The following ARHGAP15 variants were observed in gnomAD, a reference collection of about 807,000 sequenced individuals.
ARHGAP15 encodes the protein Rho GTPase activating protein 15, also known as rho GTPase-activating protein 15.
ARHGAP15 carries 51 observed loss-of-function variants against 63.7 expected under a neutral mutation model. The observed-to-expected ratio is 0.80, with a 90% CI of 0.64 to 1.01. ARHGAP15 has a LOEUF of 1.01. Ranked by LOEUF, ARHGAP15 falls within the 50% of genes least tolerant of loss-of-function variation. ARHGAP15 has a pLI of 0.00. For synonymous variants in ARHGAP15, 191 were observed against 193.8 expected (o/e 0.99, Z 0.12); for missense variants, 560 against 564.6 (o/e 0.99, Z 0.08).
At chr2:143,640,344 T>C (rs979411805) in intron 12 of ARHGAP15, among the ~76,000 whole-genome samples, 1 of 152,062 alleles carries the variant, frequency 6.6e-6, no homozygotes, top group Non-Finnish European at 1.5e-5. Flanking sequence ...AAACAATGCT[T>C]AATTCAATCC....
chr2:143,499,724 A>G (rs1004038544), intron 9 of ARHGAP15, among the ~76,000 whole-genome samples: 2 of 152,134 alleles, frequency 1.3e-5, no homozygotes, highest in African/African-American at 4.8e-5. Context: ...AACTGTCATA[A>G]TAGAAGGGTT....
chr2:143,648,169 T>C (rs1403211264), intron 12 of ARHGAP15, among the ~76,000 whole-genome samples: 1 of 152,088 alleles, frequency 6.6e-6, no homozygotes, highest in African/African-American at 2.4e-5. Context: ...TCTGCCCTAA[T>C]GCTTAGCTGG....
At chr2:143,377,843 C>A (rs769878222) in intron 6 of ARHGAP15, among the ~76,000 whole-genome samples, 2 of 152,010 alleles carry the variant, frequency 1.3e-5, no homozygotes, top group African/African-American at 4.8e-5. Flanking sequence ...AAAGCGAATT[C>A]TTTGAATGAT....
intron 12 of ARHGAP15, among the ~76,000 whole-genome samples, chr2:143,627,042 T>C (rs1054238751): frequency 2.0e-5 from 3 of 152,158 alleles, no homozygotes; most frequent in Non-Finnish European, 4.4e-5. Flanking sequence ...ATGGCACAAC[T>C]AGAAGTTGCC....
Position 143,768,298 on chromosome 2 carries a change from T to G in ARHGAP15, c.*126T>G, listed in dbSNP as rs2072985950. On this transcript the variant is annotated 3_prime_UTR_variant, in exon 14 of 14. Coordinates refer to ENST00000295095, the MANE Select transcript of ARHGAP15 (RefSeq NM_018460.4). ...GACAGATGCCTCATTTTGTGAAAAC[T>G]TAATGATGATTTTGTGTTTAAGTTC... 1 of 877,938 alleles carries G rather than the reference T, an allele frequency of 1.1e-6. No homozygotes were observed. Among genetic ancestry groups the G allele is most frequent in the Non-Finnish European group, 1.7e-6 (1 of 582,020 alleles). 54.4% of individuals were successfully genotyped at this position (877,938 alleles called of 1,614,324 possible). A position where few individuals can be genotyped will look rare whatever the true frequency, so the allele number is the denominator to read the frequency against.
chr2:143,174,950 T>C (rs935840098), intron 2 of ARHGAP15, among the ~76,000 whole-genome samples: 2 of 152,192 alleles, frequency 1.3e-5, no homozygotes, highest in East Asian at 1.9e-4. Flanking sequence ...ATCAACGTTA[T>C]TCACTCCACT....
chr2:143,343,867 A>T (rs1345211795), intron 6 of ARHGAP15, among the ~76,000 whole-genome samples: 1 of 152,060 alleles, frequency 6.6e-6, no homozygotes, highest in Non-Finnish European at 1.5e-5. Flanking sequence ...AAAATCTTTA[A>T]CTGTCTTAAA....
At position 143,250,665 on chromosome 2, in the gene ARHGAP15, T is replaced by G; in HGVS notation, c.474+65T>G. The G allele has an allele frequency of 5.2e-6, 7 of 1,353,866 alleles. No individual in the cohort carries two copies. The South Asian group carries it at 8.6e-5, about 17-fold the overall frequency. The allele number at this position is 1,353,866 out of a possible 1,614,324, so 83.9% of individuals were successfully genotyped here. A position where few individuals can be genotyped will look rare whatever the true frequency, so the allele number is the denominator to read the frequency against. ...CTAAATCTGAGCTCTCTTGGGTAAC[T>G]AAAATAAGACTACCTTCTTGTGATG... On this transcript the variant is annotated intron_variant, in intron 6 of 13. Transcript: ENST00000295095.
chr2:143,516,867 T>C (rs1693842918), intron 9 of ARHGAP15, among the ~76,000 whole-genome samples: 3 of 152,252 alleles, frequency 2.0e-5, no homozygotes, highest in Admixed American at 2.0e-4. Flanking sequence ...TTCTCTATAC[T>C]ATGTCCATGT....
Position 143,617,782 on chromosome 2 carries a change from G to A in ARHGAP15, c.1004-6351G>A, listed in dbSNP as rs192677425. Among the ~76,000 whole-genome samples the A allele has an allele frequency of 2.6e-5, 4 of 152,212 alleles. No homozygotes were observed. In the East Asian group the frequency reaches 7.7e-4, roughly 29 times the overall value. ...CAAGGACAAAATAATATGATTCTAG[G>A]GAAGAGTAACAGGATGTAAAATGTC... On this transcript the variant is annotated intron_variant, in intron 11 of 13. Coordinates refer to ENST00000295095, the MANE Select transcript of ARHGAP15 (RefSeq NM_018460.4).
chr2:143,630,262 G>C (rs1381239917), intron 12 of ARHGAP15, among the ~76,000 whole-genome samples: 1 of 151,930 alleles, frequency 6.6e-6, no homozygotes, highest in Non-Finnish European at 1.5e-5. Context: ...TTTTAACCCT[G>C]CACTCTGATT....
intron 2 of ARHGAP15, among the ~76,000 whole-genome samples, chr2:143,194,960 A>G (rs184353058): frequency 6.6e-6 from 1 of 152,266 alleles, no homozygotes; most frequent in East Asian, 1.9e-4. Context: ...ATATAGGAAA[A>G]TGTGGTTGAA....
At chr2:143,309,170 C>G (rs967797051) in intron 6 of ARHGAP15, among the ~76,000 whole-genome samples, 6 of 152,036 alleles carry the variant, frequency 3.9e-5, no homozygotes, top group Admixed American at 2.6e-4. Flanking sequence ...CTTGTGGAAT[C>G]AACCTTTTCC....
intron 12 of ARHGAP15, among the ~76,000 whole-genome samples, chr2:143,636,475 C>T (rs1001424542): frequency 6.6e-6 from 1 of 152,138 alleles, no homozygotes; most frequent in Non-Finnish European, 1.5e-5. Context: ...TTCAGAAGCT[C>T]CTGTCTGTAA....
chr2:143,643,021 C>T (rs1442684327), intron 12 of ARHGAP15, among the ~76,000 whole-genome samples: 1 of 150,892 alleles, frequency 6.6e-6, no homozygotes, highest in Non-Finnish European at 1.5e-5. Flanking sequence ...AGAAAAGGGA[C>T]TCAGTAAATT....
At position 143,272,994 on chromosome 2, in the gene ARHGAP15, A is replaced by G. The variant is rs529698082; in HGVS notation, c.474+22394A>G. Among the ~76,000 whole-genome samples, 3 of 152,166 alleles carry G rather than the reference A, an allele frequency of 2.0e-5. No individual in the cohort carries two copies. In the South Asian group the frequency reaches 6.2e-4, roughly 32 times the overall value. On this transcript the variant is annotated intron_variant, in intron 6 of 13. Coordinates refer to ENST00000295095, the MANE Select transcript of ARHGAP15 (RefSeq NM_018460.4). ...AAAAGTACTGATGTCAATATAGACT[A>G]TTTTTATTTTATGTTTTCAAGTACT... is the stretch of plus-strand genomic sequence containing the variant.
intron 6 of ARHGAP15, among the ~76,000 whole-genome samples, chr2:143,394,421 A>G (rs930615028): frequency 4.6e-5 from 7 of 152,208 alleles, no homozygotes; most frequent in African/African-American, 1.7e-4. Context: ...CCATGGCAAG[A>G]ATAATTGTTA....
At chr2:143,705,829 C>G (rs984063807) in intron 13 of ARHGAP15, among the ~76,000 whole-genome samples, 2 of 152,126 alleles carry the variant, frequency 1.3e-5, no homozygotes, top group Non-Finnish European at 2.9e-5. Context: ...GAGAATCTAT[C>G]TAGTTAAAAA....
chr2:143,158,207 T>C (rs1374135257), intron 2 of ARHGAP15, among the ~76,000 whole-genome samples: 1 of 151,890 alleles, frequency 6.6e-6, no homozygotes, highest in East Asian at 1.9e-4. Flanking sequence ...TTCTCACAAA[T>C]TCATAAATTC....
Sources: gnomAD v4.1 joint callset for allele counts (sites outside exome capture counted in the v4.1 genomes callset) on GRCh38, gnomAD v4.1.1 for gene constraint, MANE v1.5 for transcripts, NCBI Gene and HGNC (gene_info 2026-07-23, HGNC 2026-07-21) for gene names.